Variants in ARHGAP32 observed in about 807,000 individuals in gnomAD.
The protein encoded by ARHGAP32 is Rho GTPase activating protein 32.
A neutral mutation model predicts 186.5 loss-of-function variants in ARHGAP32; 51 were observed. The observed-to-expected ratio is 0.27, with a 90% CI of 0.22 to 0.35. The LOEUF is 0.35. Among genes scored for constraint, ARHGAP32 ranks in the 10% least tolerant of loss-of-function variants. The pLI is 1.00. For missense variants in ARHGAP32, 2,186 were observed against 2,623.5 expected (o/e 0.83, Z 3.64); for synonymous variants, 950 against 964.3 (o/e 0.99, Z 0.27).
chr11:129,168,036 G>C (rs1943674097), intron 1 of ARHGAP32, among the ~76,000 whole-genome samples: 1 of 152,080 alleles, frequency 6.6e-6, no homozygotes, highest in Admixed American at 6.5e-5. Flanking sequence ...CTTGTGCCCA[G>C]AAGTTCAAGA....
intron 1 of ARHGAP32, among the ~76,000 whole-genome samples, chr11:129,168,699 C>T (rs982442597): frequency 6.6e-6 from 1 of 152,066 alleles, no homozygotes; most frequent in Non-Finnish European, 1.5e-5. Flanking sequence ...AACTACAAAA[C>T]TCATTTTTTC....
intron 5 of ARHGAP32, among the ~76,000 whole-genome samples, chr11:129,099,669 A>G (rs922002717): frequency 6.6e-6 from 1 of 152,192 alleles, no homozygotes; most frequent in Admixed American, 6.5e-5. Context: ...TAAAACAGAC[A>G]CTAAACCAAA....
intron 2 of ARHGAP32, among the ~76,000 whole-genome samples, chr11:129,143,008 G>A (rs1943090027): frequency 7.9e-6 from 1 of 127,050 alleles, no homozygotes; most frequent in Non-Finnish European, 1.7e-5. Flanking sequence ...GTGATGAAGG[G>A]GAAAAAAATT....
rs539467316 is a variant in ARHGAP32, at chr11:129,130,346, AATTC to A, written c.226-5456_226-5453del. ...TATACAAAAATTAATTCAGGATGGA[AATTC>A]ATTCATTATGAAAAATAAATATTCT... On this transcript the variant is annotated intron_variant, in intron 2 of 22. Coordinates refer to ENST00000682385, the MANE Select transcript of ARHGAP32 (RefSeq NM_001378024.1). Among the ~76,000 whole-genome samples the A allele has an allele frequency of 1.6e-3, 239 of 152,210 alleles. 1 individual carries two copies. The highest frequency in any genetic ancestry group is 5.0e-3 in the African/African-American group (208 of 41,564).
intron 1 of ARHGAP32, among the ~76,000 whole-genome samples, chr11:129,217,782 T>C (rs188713013): frequency 2.0e-5 from 3 of 152,256 alleles, no homozygotes; most frequent in Non-Finnish European, 2.9e-5. Flanking sequence ...GTCAAAGAAA[T>C]AGACATATAC....
At chr11:129,256,059 C>A (rs1945250419) in intron 1 of ARHGAP32, among the ~76,000 whole-genome samples, 1 of 151,968 alleles carries the variant, frequency 6.6e-6, no homozygotes, top group Admixed American at 6.6e-5. Context: ...ATAGACAATG[C>A]TGAGCAAAAG....
At chr11:129,133,227 T>C (rs549156711) in intron 2 of ARHGAP32, among the ~76,000 whole-genome samples, 1 of 152,332 alleles carries the variant, frequency 6.6e-6, no homozygotes, top group Non-Finnish European at 1.5e-5. Flanking sequence ...AAAAGATAGT[T>C]AATTTTTTTA....
chr11:129,245,441 G>A (rs907239261), intron 1 of ARHGAP32, among the ~76,000 whole-genome samples: 4 of 147,902 alleles, frequency 2.7e-5, no homozygotes, highest in Non-Finnish European at 5.9e-5. Flanking sequence ...ACACTCTGGG[G>A]ACTGTTGTGG....
At chr11:129,162,647 TAGATATAC>T (rs1943554058) in intron 2 of ARHGAP32, among the ~76,000 whole-genome samples, 1 of 152,198 alleles carries the variant, frequency 6.6e-6, no homozygotes, top group Non-Finnish European at 1.5e-5. Context: ...AAAAAGGCTT[TAGATATAC>T]ATATTTTTGA....
chr11:129,113,399 A>G (rs554870368), intron 5 of ARHGAP32, among the ~76,000 whole-genome samples: 1 of 152,250 alleles, frequency 6.6e-6, no homozygotes, highest in Admixed American at 6.5e-5. Context: ...ATGTTTGTTT[A>G]CATTCCTCTT....
intron 1 of ARHGAP32, among the ~76,000 whole-genome samples, chr11:129,266,239 A>C (rs1364674888): frequency 6.6e-6 from 1 of 152,194 alleles, no homozygotes; most frequent in Non-Finnish European, 1.5e-5. Flanking sequence ...ATGTCACTAG[A>C]TAAGTGACTT....
chr11:129,057,941 G>GGA (rs971466319), intron 10 of ARHGAP32, among the ~76,000 whole-genome samples: 37 of 152,058 alleles, frequency 2.4e-4, no homozygotes, highest in African/African-American at 8.9e-4. Flanking sequence ...TGTGAGCCAA[G>GGA]GAGAGAAGCC....
At chr11:129,209,994 C>T (rs143787954) in intron 1 of ARHGAP32, among the ~76,000 whole-genome samples, 361 of 152,240 alleles carry the variant, frequency 2.4e-3, no homozygotes, top group African/African-American at 8.4e-3. Flanking sequence ...CTCAAGTGCA[C>T]GAACTCTGGT....
At chr11:129,174,932 G>C (rs1943878093) in intron 1 of ARHGAP32, among the ~76,000 whole-genome samples, 1 of 146,524 alleles carries the variant, frequency 6.8e-6, no homozygotes, top group Non-Finnish European at 1.5e-5. Context: ...ACGGAACAAA[G>C]CTGGATGGAG....
At chr11:129,100,248 C>G (rs1941855279) in intron 5 of ARHGAP32, among the ~76,000 whole-genome samples, 1 of 152,216 alleles carries the variant, frequency 6.6e-6, no homozygotes, top group Admixed American at 6.5e-5. Flanking sequence ...ACTGCTAGAC[C>G]TGATCTCTGC....
intron 6 of ARHGAP32, among the ~76,000 whole-genome samples, chr11:129,088,223 A>G (rs1339661394): frequency 6.6e-6 from 1 of 152,238 alleles, no homozygotes; most frequent in Non-Finnish European, 1.5e-5. Context: ...ACTAGTAAAT[A>G]CTTTGTATTT....
intron 11 of ARHGAP32, among the ~76,000 whole-genome samples, chr11:129,022,056 A>T (rs1382461225): frequency 6.6e-6 from 1 of 152,088 alleles, no homozygotes; most frequent in Non-Finnish European, 1.5e-5. Context: ...ACTACTTGAT[A>T]AGAAGCTTAA....
intron 1 of ARHGAP32, among the ~76,000 whole-genome samples, chr11:129,264,365 G>A (rs1297499364): frequency 6.6e-6 from 1 of 152,086 alleles, no homozygotes; most frequent in Non-Finnish European, 1.5e-5. Flanking sequence ...CCTAAAAAAT[G>A]GCTAAGATAG....
chr11:129,156,202 T>C lies in ARHGAP32; in HGVS notation c.225+8117A>G, dbSNP rs532409425. Among the ~76,000 whole-genome samples the C allele has an allele frequency of 4.6e-5, 7 of 152,300 alleles. No individual in the cohort carries two copies. The South Asian group carries it at 6.2e-4, about 14-fold the overall frequency. ...ACCGAGCTAGCTGCAGGAGTATTTT[T>C]TTCATACCCCAGTGGCGCCTGGAAT... On this transcript the variant is annotated intron_variant, in intron 2 of 22. Transcript: ENST00000682385.
Sources: gnomAD v4.1 joint callset for allele counts (sites outside exome capture counted in the v4.1 genomes callset) on GRCh38, gnomAD v4.1.1 for gene constraint, MANE v1.5 for transcripts, NCBI Gene and HGNC (gene_info 2026-07-23, HGNC 2026-07-21) for gene names.